Variants in ARID1B observed in about 807,000 individuals in gnomAD.
The protein encoded by ARID1B is AT-rich interaction domain 1B.
Under a neutral mutation model 212.3 loss-of-function variants are expected in ARID1B, and 30 were observed. The observed-to-expected ratio is 0.14, with a 90% CI of 0.11 to 0.19. The LOEUF (loss-of-function observed/expected upper bound fraction) is 0.19. ARID1B is among the 10% of genes least tolerant of loss of function. The probability of loss-of-function intolerance (pLI) is 1.00; values close to 1 mark genes in which losing one functional copy is unlikely to be tolerated. For synonymous variants in ARID1B, 1,402 were observed against 1,301.7 expected (o/e 1.08, Z -1.66); for missense variants, 2,891 against 3,204.0 (o/e 0.90, Z 2.36).
intron 13 of ARID1B, among the ~76,000 whole-genome samples, chr6:157,187,089 G>A (rs1457733946): frequency 1.3e-5 from 2 of 152,210 alleles, no homozygotes; most frequent in Non-Finnish European, 2.9e-5. Context: ...CAAGGCCATG[G>A]GGTGTGGTTT....
At chr6:156,832,654 C>CG (rs1783223691) in intron 2 of ARID1B, among the ~76,000 whole-genome samples, 1 of 152,094 alleles carries the variant, frequency 6.6e-6, no homozygotes. Flanking sequence ...TCCTGGCTGG[C>CG]GTTCTGCTCC....
At chr6:157,056,906 TA>T (rs759909700) in intron 4 of ARID1B, among the ~76,000 whole-genome samples, 32 of 152,218 alleles carry the variant, frequency 2.1e-4, no homozygotes, top group Non-Finnish European at 4.4e-4. Flanking sequence ...TTCTTTTTTT[TA>T]AATAAGTTTA....
chr6:156,965,458 T>C (rs1794676646), intron 4 of ARID1B, among the ~76,000 whole-genome samples: 1 of 152,210 alleles, frequency 6.6e-6, no homozygotes. Flanking sequence ...AGTCACTGTT[T>C]GTTATTCGAT....
chr6:156,989,550 A>G (rs1488240225), intron 4 of ARID1B, among the ~76,000 whole-genome samples: 1 of 152,236 alleles, frequency 6.6e-6, no homozygotes, highest in African/African-American at 2.4e-5. Context: ...GGGGTGATAC[A>G]TATTTGGCCT....
At chr6:157,198,513 GC>G (rs1445228024) in intron 16 of ARID1B, 11 of 359,086 alleles carry the variant, frequency 3.1e-5, no homozygotes, top group Non-Finnish European at 5.7e-5. Context: ...CCAAGCAGAG[GC>G]CAGAGGCTCT....
At chr6:156,991,935 A>G (rs544076355) in intron 4 of ARID1B, among the ~76,000 whole-genome samples, 2 of 152,324 alleles carry the variant, frequency 1.3e-5, no homozygotes, top group East Asian at 1.9e-4. Flanking sequence ...ATATTTAACA[A>G]ATTTGTAATC....
At position 156,777,910 on chromosome 6, in the gene ARID1B, T is replaced by A. The variant is rs1320491654; in HGVS notation, c.230T>A (p.Leu77His). Reference protein sequence around the residue: ...GLNSVHHHPLLPRHELNMAHN... With the variant: ...GLNSVHHHPLHPRHELNMAHN... ...AACAGTGTGCACCACCACCCCCTGC[T>A]CCCCCGTCACGAACTCAACATGGCC... Residue 77 changes from leucine to histidine, a missense_variant, in exon 1 of 20, where the codon CTC becomes CAC. This residue lies in a region of ARID1B where 1,643 missense variants were observed against 1,544.0 expected (regional missense o/e 1.06). Coordinates refer to ENST00000636930, the MANE Select transcript of ARID1B (RefSeq NM_001374828.1). 1 of 1,508,304 alleles carries A rather than the reference T, an allele frequency of 6.6e-7. No individual in the cohort carries two copies. The allele number at this position is 1,508,304 out of a possible 1,614,324, so 93.4% of individuals were successfully genotyped here.
intron 2 of ARID1B, among the ~76,000 whole-genome samples, chr6:156,864,407 T>C (rs1483730098): frequency 6.6e-6 from 1 of 152,216 alleles, no homozygotes; most frequent in African/African-American, 2.4e-5. Flanking sequence ...ATATATAGGA[T>C]GGCTTTAAAA....
chr6:156,830,394 A>T (rs371852058), intron 2 of ARID1B, among the ~76,000 whole-genome samples: 1 of 152,136 alleles, frequency 6.6e-6, no homozygotes, highest in African/African-American at 2.4e-5. Context: ...ATCTGACCAG[A>T]CATCTTTCGT....
chr6:157,055,453 T>C (rs571252068), intron 4 of ARID1B, among the ~76,000 whole-genome samples: 218 of 152,342 alleles, frequency 1.4e-3, no homozygotes, highest in Middle Eastern at 3.4e-3. Flanking sequence ...AAATATCACC[T>C]TAAATTTCAA....
intron 4 of ARID1B, among the ~76,000 whole-genome samples, chr6:157,045,668 G>A (rs1002772314): frequency 2.6e-5 from 4 of 152,112 alleles, no homozygotes; most frequent in African/African-American, 7.2e-5. Flanking sequence ...AACAAAACTA[G>A]CAAACAGTTT....
intron 7 of ARID1B, among the ~76,000 whole-genome samples, chr6:157,139,500 G>C (rs900566646): frequency 6.6e-5 from 10 of 152,262 alleles, no homozygotes; most frequent in African/African-American, 2.4e-4. Flanking sequence ...ACCCTCCCTG[G>C]CCCGCCTGCA....
rs1293480530 is a variant in ARID1B, at chr6:157,094,211, T to TG, written c.2491+9307dup. Among the ~76,000 whole-genome samples, 1 of 152,102 alleles carries TG rather than the reference T, an allele frequency of 6.6e-6. No individual in the cohort carries two copies. On this transcript the variant is annotated intron_variant, in intron 5 of 19. Coordinates refer to ENST00000636930, the MANE Select transcript of ARID1B (RefSeq NM_001374828.1). This position sits in a 1 kb window ranked among gnomAD's most constrained non-coding sequence, Gnocchi z 4.3. ...AAACTCAAAGGCCCTGAGTTAGTAT[T>TG]GTGCTTAGTGTGTTGGGCGGCGAAC...
chr6:156,846,126 G>A (rs547057046), intron 2 of ARID1B, among the ~76,000 whole-genome samples: 3 of 149,726 alleles, frequency 2.0e-5, no homozygotes, highest in Non-Finnish European at 3.0e-5. Context: ...TCACCTATAC[G>A]GTCTTTCTGG....
chr6:156,930,924 C>G (rs1416471610), intron 3 of ARID1B, among the ~76,000 whole-genome samples: 1 of 152,118 alleles, frequency 6.6e-6, no homozygotes, highest in Non-Finnish European at 1.5e-5. Flanking sequence ...GGCAGAGTGG[C>G]TTATGCCTGT....
intron 4 of ARID1B, among the ~76,000 whole-genome samples, chr6:156,992,366 T>C (rs1268271094): frequency 6.6e-6 from 1 of 152,232 alleles, no homozygotes; most frequent in Non-Finnish European, 1.5e-5. Context: ...TGTTATATGT[T>C]AATATCTCGT....
At chr6:156,972,316 A>G (rs1776983572) in intron 4 of ARID1B, among the ~76,000 whole-genome samples, 1 of 152,146 alleles carries the variant, frequency 6.6e-6, no homozygotes. Flanking sequence ...GCTGTGGGGC[A>G]GGGATTGGGG....
chr6:156,975,606 TTTTTTTC>T (rs1777174765), intron 4 of ARID1B, among the ~76,000 whole-genome samples: 1 of 140,544 alleles, frequency 7.1e-6, no homozygotes, highest in South Asian at 2.1e-4. Flanking sequence ...GACTGTATTT[TTTTTTTC>T]TTTTTTTTTT....
At position 157,207,917 on chromosome 6, in the gene ARID1B, G is replaced by A. The variant is rs2128399837; in HGVS notation, c.*26G>A. 1 of 1,463,604 alleles carries A rather than the reference G, an allele frequency of 6.8e-7. No homozygotes were observed. Among genetic ancestry groups the A allele is most frequent in the Non-Finnish European group, 9.1e-7 (1 of 1,104,262 alleles). 90.7% of individuals were successfully genotyped at this position (1,463,604 alleles called of 1,614,324 possible). A position where few individuals can be genotyped will look rare whatever the true frequency, so the allele number is the denominator to read the frequency against. ...CATAAGTGAGAAGGCAAGCATGTGT[G>A]AGTGAAGATTAGAGGGTCACATATA... On this transcript the variant is annotated 3_prime_UTR_variant, in exon 20 of 20. Transcript: ENST00000636930. This position sits in a 1 kb window ranked among gnomAD's most constrained non-coding sequence, Gnocchi z 8.5.
Sources: gnomAD v4.1 joint callset for allele counts (sites outside exome capture counted in the v4.1 genomes callset) on GRCh38, gnomAD v4.1.1 for gene constraint, gnomAD v4.1.1 regional missense constraint, Gnocchi (gnomAD v3.1) non-coding constraint, MANE v1.5 for transcripts, NCBI Gene and HGNC (gene_info 2026-07-23, HGNC 2026-07-21) for gene names.